The following TLN2 variants were observed in gnomAD, a reference collection of about 807,000 sequenced individuals.
TLN2 encodes talin 2.
A neutral mutation model predicts 294.7 loss-of-function variants in TLN2; 118 were observed. The ratio of observed to expected loss-of-function variants is 0.40; its 90% CI spans 0.34 to 0.47. The LOEUF is 0.47. TLN2 is among the 20% of genes least tolerant of loss of function. The probability of loss-of-function intolerance (pLI) is 0.84; values close to 1 mark genes in which losing one functional copy is unlikely to be tolerated. For synonymous variants in TLN2, 1,431 were observed against 1,304.5 expected, an observed-to-expected ratio of 1.10 and a Z score of -2.09; for missense variants, 3,083 against 3,282.2, an observed-to-expected ratio of 0.94 and a Z score of 1.48.
chr15:62,814,588 G>T (rs963618777), intron 52 of TLN2, among the ~76,000 whole-genome samples: 1 of 151,976 alleles, frequency 6.6e-6, no homozygotes, highest in African/African-American at 2.4e-5. Flanking sequence ...TCATTTATTT[G>T]TTCATGTTCA....
chr15:62,574,038 G>A (rs1037440395), intron 1 of TLN2, among the ~76,000 whole-genome samples: 5 of 152,114 alleles, frequency 3.3e-5, no homozygotes, highest in Non-Finnish European at 7.4e-5. Context: ...TAAGGAAGGA[G>A]CCTTGGGACC....
chr15:62,772,019 G>A (rs751505161), intron 42 of TLN2, among the ~76,000 whole-genome samples: 12 of 152,036 alleles, frequency 7.9e-5, no homozygotes, highest in Non-Finnish European at 1.6e-4. Flanking sequence ...TTATGAATTC[G>A]TGGCCTCGTG....
At chr15:62,821,739 C>G (rs890705105) in intron 54 of TLN2, among the ~76,000 whole-genome samples, 4 of 152,194 alleles carry the variant, frequency 2.6e-5, no homozygotes, top group African/African-American at 9.6e-5. Context: ...GCTCTCTCTG[C>G]TGGACTCTAC....
chr15:62,672,481 T>C (rs949130916), intron 9 of TLN2, among the ~76,000 whole-genome samples: 14 of 152,182 alleles, frequency 9.2e-5, no homozygotes, highest in African/African-American at 3.1e-4. Flanking sequence ...GATGGGGAAA[T>C]AGATGAGTCA....
intron 37 of TLN2, among the ~76,000 whole-genome samples, chr15:62,756,331 G>A (rs1332070033): frequency 3.3e-5 from 5 of 152,226 alleles, no homozygotes; most frequent in Non-Finnish European, 5.9e-5. Context: ...CAAGAAGCAA[G>A]TGGGAATCAC....
chr15:62,482,003 G>C (rs948045598), intron 1 of TLN2, among the ~76,000 whole-genome samples: 5 of 151,524 alleles, frequency 3.3e-5, no homozygotes, highest in Admixed American at 3.3e-4. Flanking sequence ...CACCATGTTG[G>C]CCAGGCTGGT....
At chr15:62,470,536 C>T (rs965391255) in intron 1 of TLN2, among the ~76,000 whole-genome samples, 4 of 152,256 alleles carry the variant, frequency 2.6e-5, no homozygotes, top group African/African-American at 9.6e-5. Context: ...CCTCAGAGAG[C>T]ACGGGCAGGA....
chr15:62,604,830 G>A (rs10851714), intron 2 of TLN2, among the ~76,000 whole-genome samples: 58,556 of 151,496 alleles, frequency 0.39, 11,893 homozygotes, highest in East Asian at 0.59. Flanking sequence ...ACAGACGCAA[G>A]CCTACCATCC....
chr15:62,784,026 G>C (rs2064422461), intron 45 of TLN2, 136 bp downstream of exon 45: 2 of 1,450,242 alleles, frequency 1.4e-6, no homozygotes, highest in East Asian at 4.6e-5. Flanking sequence ...CCCCACCACT[G>C]CACAGCACAG....
At chr15:62,452,407 A>G (rs1439761070) in intron 1 of TLN2, among the ~76,000 whole-genome samples, 1 of 152,254 alleles carries the variant, frequency 6.6e-6, no homozygotes, top group Non-Finnish European at 1.5e-5. Flanking sequence ...CTAAACTGGA[A>G]ATGAGAAGGA....
At chr15:62,532,842 A>G (rs1250117442) in intron 1 of TLN2, among the ~76,000 whole-genome samples, 2 of 152,164 alleles carry the variant, frequency 1.3e-5, no homozygotes, top group African/African-American at 2.4e-5. Flanking sequence ...ATGCCCCACA[A>G]TTATGAAGAT....
chr15:62,697,073 C>A (rs1408749404), intron 14 of TLN2, among the ~76,000 whole-genome samples: 2 of 152,084 alleles, frequency 1.3e-5, no homozygotes, highest in Non-Finnish European at 2.9e-5. Context: ...TCACTTAAAA[C>A]CTGGAACATC....
chr15:62,581,172 G>A (rs919439464), intron 1 of TLN2, among the ~76,000 whole-genome samples: 18 of 152,102 alleles, frequency 1.2e-4, no homozygotes, highest in Non-Finnish European at 1.9e-4. Flanking sequence ...GAGACACCGC[G>A]CCCGGCCCAA....
intron 40 of TLN2, among the ~76,000 whole-genome samples, chr15:62,764,656 C>T (rs1435344031): frequency 6.6e-6 from 1 of 152,012 alleles, no homozygotes; most frequent in Admixed American, 6.6e-5. Context: ...GCAGCCAGAT[C>T]AAGAAACAAA....
chr15:62,604,463 T>C (rs2047249608), intron 2 of TLN2, among the ~76,000 whole-genome samples: 1 of 143,606 alleles, frequency 7.0e-6, no homozygotes, highest in African/African-American at 2.6e-5. Flanking sequence ...GATTTGATGG[T>C]GCAGTGAGCC....
intron 9 of TLN2, among the ~76,000 whole-genome samples, chr15:62,668,064 A>C (rs1320925467): frequency 1.3e-5 from 2 of 152,182 alleles, no homozygotes; most frequent in Non-Finnish European, 1.5e-5. Flanking sequence ...GGAAATGGGG[A>C]GATAGTGGTC....
At chr15:62,653,035 T>G in intron 6 of TLN2, 127 bp from the exon 7 acceptor site, 1 of 686,460 alleles carries the variant, frequency 1.5e-6, no homozygotes, top group East Asian at 3.0e-5. Context: ...TCCCTGACCC[T>G]CATATTTGTA....
intron 32 of TLN2, among the ~76,000 whole-genome samples, chr15:62,740,974 T>C (rs1441806119): frequency 6.6e-6 from 1 of 152,246 alleles, no homozygotes; most frequent in African/African-American, 2.4e-5. Flanking sequence ...AAAAATATCT[T>C]CTGTCTTCTC....
chr15:62,540,294 C>T (rs543765309), intron 1 of TLN2, among the ~76,000 whole-genome samples: 5 of 151,808 alleles, frequency 3.3e-5, no homozygotes, highest in African/African-American at 4.8e-5. Context: ...GAGCCAAGAT[C>T]GCACCACTGC....
Sources: gnomAD v4.1 joint callset for allele counts (sites outside exome capture counted in the v4.1 genomes callset) on GRCh38, gnomAD v4.1.1 for gene constraint, MANE v1.5 for transcripts, NCBI Gene and HGNC (gene_info 2026-07-23, HGNC 2026-07-21) for gene names.